The following KSR2 variants were observed in gnomAD, a reference collection of about 807,000 sequenced individuals.
The protein encoded by KSR2 is kinase suppressor of ras 2.
In KSR2, 25 loss-of-function variants were observed where a neutral mutation model predicts 107.8. The observed-to-expected ratio is 0.23, with a 90% confidence interval of 0.17 to 0.32. The LOEUF (loss-of-function observed/expected upper bound fraction) is 0.32, where lower values mean the gene tolerates loss of function less well. Among genes scored for constraint, KSR2 ranks in the 10% least tolerant of loss-of-function variants. The probability of loss-of-function intolerance (pLI) is 1.00; values close to 1 mark genes in which losing one functional copy is unlikely to be tolerated. For missense variants in KSR2, 887 were observed against 1,268.9 expected (o/e 0.70, Z 4.57); for synonymous variants, 480 against 507.0 (o/e 0.95, Z 0.71).
chr12:117,877,567 A>G (rs1893897812), intron 1 of KSR2, among the ~76,000 whole-genome samples: 1 of 152,160 alleles, frequency 6.6e-6, no homozygotes, highest in Admixed American at 6.5e-5. Context: ...CTATGTGCTA[A>G]GTGCTTTATG....
intron 5 of KSR2, among the ~76,000 whole-genome samples, chr12:117,599,012 G>GA (rs1047795482): frequency 6.6e-6 from 1 of 152,026 alleles, no homozygotes. Context: ...GGCGCCACCA[G>GA]AAAAAAACAA....
At chr12:117,745,775 T>A (rs1317083859) in intron 4 of KSR2, among the ~76,000 whole-genome samples, 1 of 152,112 alleles carries the variant, frequency 6.6e-6, no homozygotes. Flanking sequence ...CAAGCATTCC[T>A]ATACACCAAC....
At position 117,941,959 on chromosome 12, in the gene KSR2, G is replaced by C. The variant is rs952722012; in HGVS notation, c.180+26117C>G. Among the ~76,000 whole-genome samples, 7 of 152,110 alleles carry C rather than the reference G, an allele frequency of 4.6e-5. No homozygotes were observed. The East Asian group carries it at 1.4e-3, about 29-fold the overall frequency. On this transcript the variant is annotated intron_variant, in intron 1 of 19. Coordinates refer to ENST00000339824, the MANE Select transcript of KSR2 (RefSeq NM_173598.6). ...TGCTCAGCCTACTCTTTTAAACTCT[G>C]AGAAGGTTATGAAGTAGAATGCTCT...
Position 117,647,306 on chromosome 12 carries a change from A to G in KSR2, c.1171+20168T>C, listed in dbSNP as rs569394920. Among the ~76,000 whole-genome samples, 8 of 152,336 alleles carry G rather than the reference A, an allele frequency of 5.3e-5. No homozygotes were observed. The East Asian group carries it at 1.5e-3, about 29-fold the overall frequency. ...AATGGCTTTAACAGAGACCTTCAAC[A>G]GAGCAGCATGGGACACAGTAGAACA... On this transcript the variant is annotated intron_variant, in intron 5 of 19. Transcript: ENST00000339824.
At chr12:117,616,228 A>G (rs1445332181) in intron 5 of KSR2, among the ~76,000 whole-genome samples, 1 of 151,946 alleles carries the variant, frequency 6.6e-6, no homozygotes, top group African/African-American at 2.4e-5. Flanking sequence ...AAATATTTTT[A>G]TAAATATTTA....
At chr12:117,689,211 T>C (rs375808759) in intron 4 of KSR2, among the ~76,000 whole-genome samples, 50 of 152,356 alleles carry the variant, frequency 3.3e-4, no homozygotes, top group African/African-American at 1.1e-3. Context: ...TGGCAGTTTG[T>C]TGTCTTCACA....
intron 4 of KSR2, among the ~76,000 whole-genome samples, chr12:117,687,125 G>C (rs1207080293): frequency 6.6e-6 from 1 of 152,162 alleles, no homozygotes; most frequent in Non-Finnish European, 1.5e-5. Context: ...TCTTTTCCAA[G>C]CTTCCAGCAC....
intron 14 of KSR2, among the ~76,000 whole-genome samples, chr12:117,498,826 ATG>A (rs1283186594): frequency 2.6e-5 from 4 of 152,164 alleles, no homozygotes; most frequent in Non-Finnish European, 5.9e-5. Flanking sequence ...GCCATGTGAG[ATG>A]TGTCTTTCAC....
chr12:117,902,181 G>A lies in KSR2; in HGVS notation c.181-41750C>T, dbSNP rs146703210. Reference sequence around the variant, plus strand: ...GCTAAATGAGAATTACCAGGTGGCCGGATGTGGTGGCTCACACCTGTAATC... The same window carrying A: ...GCTAAATGAGAATTACCAGGTGGCCAGATGTGGTGGCTCACACCTGTAATC... On this transcript the variant is annotated intron_variant, in intron 1 of 19. Transcript: ENST00000339824. Among the ~76,000 whole-genome samples the A allele has an allele frequency of 1.8e-3, 270 of 152,220 alleles. No homozygotes were observed. The East Asian group carries it at 0.018, about 10-fold the overall frequency.
chr12:117,506,347 A>T (rs1415409521), intron 14 of KSR2, among the ~76,000 whole-genome samples: 1 of 152,178 alleles, frequency 6.6e-6, no homozygotes, highest in Non-Finnish European at 1.5e-5. Context: ...ATTATATGTT[A>T]ATACTCTTTT....
chr12:117,802,313 G>A (rs1890860390), intron 3 of KSR2, among the ~76,000 whole-genome samples: 4 of 151,964 alleles, frequency 2.6e-5, no homozygotes, highest in Admixed American at 2.6e-4. Context: ...AAGGACCTCT[G>A]GGATGACTTT....
intron 16 of KSR2, among the ~76,000 whole-genome samples, chr12:117,481,463 G>A (rs1441407026): frequency 6.6e-6 from 1 of 152,180 alleles, no homozygotes; most frequent in East Asian, 1.9e-4. Context: ...GCACAGAGAA[G>A]AGGCCATATG....
intron 4 of KSR2, among the ~76,000 whole-genome samples, chr12:117,708,130 A>G (rs982598910): frequency 3.5e-4 from 53 of 152,202 alleles, no homozygotes; most frequent in African/African-American, 1.2e-3. Context: ...ATCATTCTTG[A>G]GCGTTTCATG....
At chr12:117,807,810 A>C (rs920122626) in intron 3 of KSR2, among the ~76,000 whole-genome samples, 2 of 152,248 alleles carry the variant, frequency 1.3e-5, no homozygotes, top group African/African-American at 4.8e-5. Flanking sequence ...GGAGATAGGT[A>C]ATTAACAAGC....
chr12:117,747,368 G>A (rs1432320192), intron 4 of KSR2, among the ~76,000 whole-genome samples: 2 of 151,458 alleles, frequency 1.3e-5, no homozygotes, highest in East Asian at 2.0e-4. Flanking sequence ...TCACTCATAC[G>A]TGGGAGTTGA....
chr12:117,933,591 C>CA (rs35731910), intron 1 of KSR2, among the ~76,000 whole-genome samples: 33,329 of 140,738 alleles, frequency 0.24, 4,533 homozygotes, highest in East Asian at 0.31. Context: ...GAGTCTGTCT[C>CA]AAAAAAAAAA....
At chr12:117,610,729 AC>A (rs1371337656) in intron 5 of KSR2, among the ~76,000 whole-genome samples, 2 of 102,694 alleles carry the variant, frequency 1.9e-5, no homozygotes, top group Non-Finnish European at 4.0e-5. Flanking sequence ...ACAGAGTGAG[AC>A]CCTGTCTCAA....
intron 5 of KSR2, among the ~76,000 whole-genome samples, chr12:117,622,063 T>C (rs1882229983): frequency 6.6e-6 from 1 of 152,026 alleles, no homozygotes; most frequent in South Asian, 2.1e-4. Context: ...TGCTTTGACC[T>C]CACAAGCAGG....
intron 4 of KSR2, among the ~76,000 whole-genome samples, chr12:117,750,209 C>T (rs1406923696): frequency 6.7e-6 from 1 of 149,322 alleles, no homozygotes. Context: ...AAGATCGCAC[C>T]ACTGCACTCC....
Sources: allele counts gnomAD v4.1 joint callset (sites outside exome capture counted in the v4.1 genomes callset), GRCh38; gene constraint gnomAD v4.1.1; transcripts MANE v1.5; gene names NCBI Gene and HGNC (gene_info 2026-07-23, HGNC 2026-07-21).